The following ALPK1 variants were observed in gnomAD, a reference collection of about 807,000 sequenced individuals.
ALPK1 encodes the protein alpha-protein kinase 1.
In ALPK1, 110 loss-of-function variants were observed where a neutral mutation model predicts 120.6. That is an observed-to-expected ratio of 0.91 (90% CI 0.78 to 1.07). ALPK1 has a LOEUF of 1.07. Among genes scored for constraint, ALPK1 ranks in the 50% least tolerant of loss-of-function variants. The pLI, the probability that ALPK1 is intolerant of heterozygous loss-of-function variation, is 0.00. For missense variants in ALPK1, 1,498 were observed against 1,483.9 expected (o/e 1.01, Z -0.16); for synonymous variants, 582 against 560.3 (o/e 1.04, Z -0.55).
chr4:112,441,546 G>T lies in ALPK1; in HGVS notation c.*336G>T, dbSNP rs760565549. The T allele has an allele frequency of 2.6e-5, 7 of 270,318 alleles. No homozygotes were observed. The highest frequency in any genetic ancestry group is 1.1e-4 in the South Asian group (1 of 8,848). 16.7% of individuals were successfully genotyped at this position (270,318 alleles called of 1,614,324 possible). On this transcript the variant is annotated 3_prime_UTR_variant, in exon 16 of 16. Transcript: ENST00000650871. ...ATCTGTCAAGACTGATACTACTGGG[G>T]CTTTTCCTATTGATTTGGGAGTTCT...
chr4:112,436,298 A>C (rs1734786923), intron 12 of ALPK1, among the ~76,000 whole-genome samples: 1 of 59,514 alleles, frequency 1.7e-5, no homozygotes, highest in South Asian at 3.4e-4. Context: ...GGTAGATACT[A>C]TTATTATTCT....
intron 2 of ALPK1, among the ~76,000 whole-genome samples, chr4:112,341,353 C>T (rs1335525651): frequency 1.3e-5 from 2 of 152,180 alleles, no homozygotes. Flanking sequence ...CTGACAATTT[C>T]CCCAATTGTC....
At chr4:112,329,485 A>G (rs1237516160) in intron 2 of ALPK1, among the ~76,000 whole-genome samples, 1 of 152,220 alleles carries the variant, frequency 6.6e-6, no homozygotes, top group Non-Finnish European at 1.5e-5. Flanking sequence ...AAACAAAGAA[A>G]GCCCTTGGCT....
rs114465146 is a variant in ALPK1, at chr4:112,427,497, C to T, written c.700-73C>T. ...GTTCATATGGAGGAATAATCATAGC[C>T]TTTAGGCCATGGATGAGAGCAGTAA... On this transcript the variant is annotated intron_variant, in intron 8 of 15. Transcript: ENST00000650871. The T allele has an allele frequency of 2.2e-3, 2,224 of 1,022,680 alleles. 18 individuals are homozygous for T. The African/African-American group carries it at 0.024, about 11-fold the overall frequency. 63.4% of individuals were successfully genotyped at this position (1,022,680 alleles called of 1,614,324 possible). A position where few individuals can be genotyped will look rare whatever the true frequency, so the allele number is the denominator to read the frequency against.
intron 1 of ALPK1, among the ~76,000 whole-genome samples, chr4:112,303,101 C>A (rs1727862972): frequency 1.3e-5 from 2 of 152,144 alleles, no homozygotes; most frequent in African/African-American, 4.8e-5. Flanking sequence ...TGATCTTCCT[C>A]CCACATCTCT....
At chr4:112,333,610 G>A (rs1310177174) in intron 2 of ALPK1, among the ~76,000 whole-genome samples, 1 of 152,140 alleles carries the variant, frequency 6.6e-6, no homozygotes, top group Non-Finnish European at 1.5e-5. Context: ...CAGAACTAGC[G>A]CATTTACCAG....
intron 2 of ALPK1, among the ~76,000 whole-genome samples, chr4:112,338,498 A>C (rs1729723877): frequency 6.6e-6 from 1 of 152,230 alleles, no homozygotes; most frequent in African/African-American, 2.4e-5. Flanking sequence ...TTTAAATTAG[A>C]AAGTGATACT....
chr4:112,349,520 G>T (rs892220607), intron 2 of ALPK1, among the ~76,000 whole-genome samples: 2 of 150,488 alleles, frequency 1.3e-5, no homozygotes, highest in African/African-American at 4.9e-5. Context: ...AAAACTGTGA[G>T]ATTGATCCTA....
intron 2 of ALPK1, among the ~76,000 whole-genome samples, chr4:112,334,061 GA>G (rs1031964991): frequency 5.9e-5 from 9 of 151,580 alleles, no homozygotes; most frequent in Non-Finnish European, 1.2e-4. Flanking sequence ...ACTGTGTAAC[GA>G]ACACCCTCAT....
chr4:112,433,200 A>G (rs1191839766), intron 11 of ALPK1, among the ~76,000 whole-genome samples: 1 of 152,234 alleles, frequency 6.6e-6, no homozygotes, highest in Non-Finnish European at 1.5e-5. Context: ...CTGTAACAAA[A>G]TGCCATCAAC....
Position 112,357,099 on chromosome 4 carries a change from G to A in ALPK1, c.-100-20579G>A. 4 of 1,136,594 alleles carry A rather than the reference G, an allele frequency of 3.5e-6. No individual in the cohort carries two copies. In the South Asian group the frequency reaches 5.5e-5, roughly 16 times the overall value. 70.4% of individuals were successfully genotyped at this position (1,136,594 alleles called of 1,614,324 possible). ...GCAAAGCTGAAGATGATCCTGCTCTGCCTGGAAGGGGCCATCGATGCTGTT... is the reference window on the plus strand; with the variant it reads ...GCAAAGCTGAAGATGATCCTGCTCTACCTGGAAGGGGCCATCGATGCTGTT... On this transcript the variant is annotated intron_variant, in intron 2 of 15. Transcript: ENST00000650871.
rs994789876 is a variant in ALPK1, at chr4:112,345,933, G to A, written c.-101+30081G>A. Among the ~76,000 whole-genome samples the A allele has an allele frequency of 4.6e-5, 7 of 152,220 alleles. No individual in the cohort carries two copies. In the South Asian group the frequency reaches 1.0e-3, roughly 23 times the overall value. ...GGCTGGAGTGCAATGGTGCAATCTC[G>A]GCTCACTGCAACCTTTGTCTCCCGG... On this transcript the variant is annotated intron_variant, in intron 2 of 15. Coordinates refer to ENST00000650871, the MANE Select transcript of ALPK1 (RefSeq NM_025144.4).
chr4:112,433,961 A>G (rs1303236009), intron 11 of ALPK1, among the ~76,000 whole-genome samples: 1 of 152,142 alleles, frequency 6.6e-6, no homozygotes, highest in Non-Finnish European at 1.5e-5. Flanking sequence ...AGCCACTGTT[A>G]AGAGCTTCTG....
chr4:112,392,988 TG>T (rs1247976770), intron 4 of ALPK1, among the ~76,000 whole-genome samples: 1 of 152,242 alleles, frequency 6.6e-6, no homozygotes, highest in Non-Finnish European at 1.5e-5. Context: ...TCTTTCTACA[TG>T]TCCATCTGAG....
intron 2 of ALPK1, among the ~76,000 whole-genome samples, chr4:112,322,092 C>T (rs6810534): frequency 0.082 from 12,520 of 152,192 alleles, 803 homozygotes; most frequent in Admixed American, 0.21. Flanking sequence ...GTGTTGGCAT[C>T]CTCATTAACA....
intron 4 of ALPK1, among the ~76,000 whole-genome samples, chr4:112,385,424 T>G (rs1732111513): frequency 1.3e-5 from 2 of 152,342 alleles, no homozygotes; most frequent in Admixed American, 6.5e-5. Flanking sequence ...TAAGGGGCGC[T>G]GTCTATTAGG....
chr4:112,383,372 C>T (rs1024257633), intron 4 of ALPK1: 1 of 151,728 alleles, frequency 6.6e-6, no homozygotes, highest in African/African-American at 2.4e-5. Context: ...TACTTTATTG[C>T]TTTACGTAAG....
At chr4:112,373,281 A>T (rs1435193967) in intron 2 of ALPK1, among the ~76,000 whole-genome samples, 3 of 152,166 alleles carry the variant, frequency 2.0e-5, no homozygotes, top group Non-Finnish European at 4.4e-5. Context: ...TCACTGCGGT[A>T]CTCAGAAGGA....
At chr4:112,360,833 C>T (rs1252421177) in intron 2 of ALPK1, among the ~76,000 whole-genome samples, 3 of 151,994 alleles carry the variant, frequency 2.0e-5, no homozygotes, top group South Asian at 2.1e-4. Context: ...TATGTAAGTC[C>T]TTTGTTGTTT....
Sources: gnomAD v4.1 joint callset for allele counts (sites outside exome capture counted in the v4.1 genomes callset) on GRCh38, gnomAD v4.1.1 for gene constraint, MANE v1.5 for transcripts, NCBI Gene and HGNC (gene_info 2026-07-23, HGNC 2026-07-21) for gene names.